NUP107: variants seen among roughly 807,000 people sequenced by gnomAD.
NUP107 encodes nuclear pore complex protein Nup107.
NUP107 carries 101 observed loss-of-function variants against 141.0 expected under a neutral mutation model. The observed-to-expected ratio is 0.72, with a 90% CI of 0.61 to 0.84. The LOEUF is 0.84. Ranked by LOEUF, NUP107 falls within the 40% of genes least tolerant of loss-of-function variation. NUP107 has a pLI of 0.00. For missense variants in NUP107, 941 were observed against 1,102.7 expected, an observed-to-expected ratio of 0.85 and a Z score of 2.08; for synonymous variants, 319 against 363.9, an observed-to-expected ratio of 0.88 and a Z score of 1.41.
At chr12:68,691,845 A>G (rs1875803520) in intron 4 of NUP107, 123 bp from the exon 5 acceptor site, 3 of 806,416 alleles carry the variant, frequency 3.7e-6, no homozygotes, top group East Asian at 3.2e-5. Context: ...AGAAGGGAAA[A>G]AAAAAAAAAA....
chr12:68,702,786 T>G lies in NUP107; in HGVS notation c.729+2T>G. 6.8e-7 allele frequency: 1 copy of G among 1,479,382 alleles called. No individual in the cohort carries two copies. Among genetic ancestry groups the G allele is most frequent in the South Asian group, 1.3e-5 (1 of 77,440 alleles). 91.6% of individuals were successfully genotyped at this position (1,479,382 alleles called of 1,614,324 possible). Reference sequence around the variant, plus strand: ...GAGGAAAGTGTATTCGCAGTTACTGTAAGTTTTATATTAATTTTTTCTTTT... The same window carrying G: ...GAGGAAAGTGTATTCGCAGTTACTGGAAGTTTTATATTAATTTTTTCTTTT... On this transcript the variant is annotated splice_donor_variant, in intron 8 of 27. Coordinates refer to ENST00000229179, the MANE Select transcript of NUP107 (RefSeq NM_020401.4). LOFTEE classifies it high-confidence loss of function.
intron 5 of NUP107, among the ~76,000 whole-genome samples, chr12:68,692,322 T>C (rs1875839038): frequency 6.6e-6 from 1 of 152,106 alleles, no homozygotes. Flanking sequence ...GGCTCATGCC[T>C]ATAATCCTAG....
At chr12:68,706,502 C>G in intron 8 of NUP107, 1 of 687,762 alleles carries the variant, frequency 1.5e-6, no homozygotes, top group Non-Finnish European at 2.7e-6. Flanking sequence ...GAGCTGCAGA[C>G]GCTGGCTTGG....
At chr12:68,693,733 T>C (rs544087752) in intron 5 of NUP107, among the ~76,000 whole-genome samples, 17 of 152,314 alleles carry the variant, frequency 1.1e-4, no homozygotes, top group Non-Finnish European at 2.2e-4. Context: ...TGGTTCTCAG[T>C]CTGAGCAGCA....
intron 6 of NUP107, among the ~76,000 whole-genome samples, chr12:68,697,722 G>T (rs1876136537): frequency 6.6e-6 from 1 of 152,176 alleles, no homozygotes; most frequent in East Asian, 1.9e-4. Context: ...TATACAGATG[G>T]CAAATAAGCA....
At chr12:68,691,329 C>T (rs2135996698) in intron 4 of NUP107, among the ~76,000 whole-genome samples, 1 of 152,154 alleles carries the variant, frequency 6.6e-6, no homozygotes, top group Non-Finnish European at 1.5e-5. Flanking sequence ...AAAATCTGAT[C>T]CCTGTTTTGA....
At chr12:68,689,894 A>C in intron 3 of NUP107, 1 of 295,186 alleles carries the variant, frequency 3.4e-6, no homozygotes, top group South Asian at 5.3e-5. Flanking sequence ...ATAAGTATGT[A>C]AATAGGCTGG....
At chr12:68,706,537 C>T in intron 8 of NUP107, 2 of 676,318 alleles carry the variant, frequency 3.0e-6, no homozygotes, top group Non-Finnish European at 5.4e-6. Context: ...CCGTGGTGCA[C>T]AAAGACTGAG....
At chr12:68,706,786 C>A in intron 8 of NUP107, 1 of 758,870 alleles carries the variant, frequency 1.3e-6, no homozygotes, top group East Asian at 2.5e-5. Flanking sequence ...ACATCAAGAT[C>A]ACCACTTAAA....
rs1878024987 is a variant in NUP107, at chr12:68,735,349, G to C, written c.2502+5G>C. 6.2e-7 allele frequency: 1 copy of C among 1,606,248 alleles called. No homozygotes were observed. Among genetic ancestry groups the C allele is most frequent in the Non-Finnish European group, 8.5e-7 (1 of 1,172,968 alleles). On this transcript the variant is annotated splice_donor_5th_base_variant and intron_variant, in intron 26 of 27. Coordinates refer to ENST00000229179, the MANE Select transcript of NUP107 (RefSeq NM_020401.4). ...TGGATGGTGGATGTTAGAGAGGTAAGCTGTGTGCATTGTTTATAGCCAAAA... is the reference window on the plus strand; with the variant it reads ...TGGATGGTGGATGTTAGAGAGGTAACCTGTGTGCATTGTTTATAGCCAAAA...
intron 22 of NUP107, among the ~76,000 whole-genome samples, chr12:68,732,224 G>A (rs897627085): frequency 7.2e-5 from 11 of 152,078 alleles, no homozygotes; most frequent in South Asian, 6.2e-4. Context: ...TGCAACCTTC[G>A]CCTTCTAGGC....
intron 8 of NUP107, 21 bp from the exon 9 acceptor site, chr12:68,709,216 CT>C: frequency 6.8e-7 from 1 of 1,466,846 alleles, no homozygotes; most frequent in Non-Finnish European, 9.4e-7. Flanking sequence ...TCTGTTTATC[CT>C]TTTAATATTT....
chr12:68,710,079 A>C lies in NUP107; in HGVS notation c.876A>C (p.Ala292=). The change falls in exon 10 of 28, where the codon GCA becomes GCC. Residue 292 remains alanine, a synonymous_variant. Transcript: ENST00000229179. The stretch of plus-strand genomic sequence containing the variant: ...TTTCTGATAATATTGAGTTTTATGC[A>C]AAATCAGTATATTGGTAAGTTACCA... ...GEFSDNIEFY[A]KSVYWENTLH... 3 of 1,547,976 alleles carry C rather than the reference A, an allele frequency of 1.9e-6. No individual in the cohort carries two copies. The highest frequency in any genetic ancestry group is 2.7e-6 in the Non-Finnish European group (3 of 1,122,316).
chr12:68,697,733 T>C (rs1025389698), intron 6 of NUP107, among the ~76,000 whole-genome samples: 1 of 152,014 alleles, frequency 6.6e-6, no homozygotes, highest in Admixed American at 6.6e-5. Flanking sequence ...CAAATAAGCA[T>C]ATAAAAAATG....
At chr12:68,708,744 G>A (rs1318941888) in intron 8 of NUP107, among the ~76,000 whole-genome samples, 5 of 151,726 alleles carry the variant, frequency 3.3e-5, no homozygotes, top group Non-Finnish European at 7.4e-5. Flanking sequence ...CTTAGCCTCC[G>A]AGTAGCTGGG....
intron 5 of NUP107, among the ~76,000 whole-genome samples, chr12:68,696,077 A>T (rs1376049967): frequency 1.3e-5 from 2 of 152,130 alleles, no homozygotes; most frequent in South Asian, 2.1e-4. Context: ...ATTAAAAAAA[A>T]TTTTGAGGCT....
rs777203994 is a variant in NUP107, at chr12:68,713,784, T to C, written c.945T>C (p.Ser315=). Residue 315 remains serine, a synonymous_variant, in exon 11 of 28, where the codon AGT becomes AGC. Coordinates refer to ENST00000229179, the MANE Select transcript of NUP107 (RefSeq NM_020401.4). The part of the protein sequence containing the change: ...KQRQLTSYVG[S]VRPLVTELDP... Reference sequence around the variant, plus strand: ...GGCAGCTGACTTCTTACGTTGGAAGTGTTCGTCCGCTTGTCACTGAATTGG... The same window carrying C: ...GGCAGCTGACTTCTTACGTTGGAAGCGTTCGTCCGCTTGTCACTGAATTGG... The C allele has an allele frequency of 6.2e-7, 1 of 1,611,102 alleles. No individual in the cohort carries two copies. The highest frequency in any genetic ancestry group is 8.5e-7 in the Non-Finnish European group (1 of 1,179,050).
Position 68,743,942 on chromosome 12 carries a change from A to G in NUP107, c.*1480A>G, listed in dbSNP as rs1436665514. 6.6e-6 allele frequency: 1 copy of G among 152,218 alleles called. No homozygotes were observed. The highest frequency in any genetic ancestry group is 1.5e-5 in the Non-Finnish European group (1 of 68,042). The allele number at this position is 152,218 out of a possible 1,614,324, so 9.4% of individuals were successfully genotyped here. On this transcript the variant is annotated 3_prime_UTR_variant, in exon 28 of 28. Coordinates refer to ENST00000229179, the MANE Select transcript of NUP107 (RefSeq NM_020401.4). ...TGATTATTGCTATGCTACTTTGCAA[A>G]AAATAAAAACAAAAAATTCATACCA...
chr12:68,707,699 A>T (rs1196559336), intron 8 of NUP107, among the ~76,000 whole-genome samples: 1 of 152,242 alleles, frequency 6.6e-6, no homozygotes, highest in African/African-American at 2.4e-5. Flanking sequence ...TGTAGCATTT[A>T]CATTATATTA....
Sources: gnomAD v4.1 joint callset for allele counts (sites outside exome capture counted in the v4.1 genomes callset) on GRCh38, gnomAD v4.1.1 for gene constraint, MANE v1.5 for transcripts, NCBI Gene and HGNC (gene_info 2026-07-23, HGNC 2026-07-21) for gene names.